SFSWAP: variants seen among roughly 807,000 people sequenced by gnomAD.
SFSWAP encodes the protein splicing factor SWAP, also known as splicing factor, suppressor of white-apricot homolog.
In SFSWAP, 17 loss-of-function variants were observed where a neutral mutation model predicts 100.7. That is an observed-to-expected ratio of 0.17 (90% CI 0.12 to 0.25). The LOEUF is 0.25. Among genes scored for constraint, SFSWAP ranks in the 10% least tolerant of loss-of-function variants. The pLI is 1.00. For missense variants in SFSWAP, 1,005 were observed against 1,262.6 expected (o/e 0.80, Z 3.09); for synonymous variants, 504 against 510.1 (o/e 0.99, Z 0.16).
intron 7 of SFSWAP, among the ~76,000 whole-genome samples, chr12:131,746,632 A>G (rs185019731): frequency 1.3e-5 from 2 of 152,324 alleles, no homozygotes. Flanking sequence ...TAGTTTCCCA[A>G]GAAAGGGTAC....
intron 6 of SFSWAP, among the ~76,000 whole-genome samples, chr12:131,727,286 A>C (rs1879070772): frequency 6.6e-6 from 1 of 152,220 alleles, no homozygotes; most frequent in South Asian, 2.1e-4. Context: ...TAATTTTACC[A>C]TTTTATTACA....
At chr12:131,761,049 G>T (rs993261034) in intron 11 of SFSWAP, among the ~76,000 whole-genome samples, 5 of 152,182 alleles carry the variant, frequency 3.3e-5, no homozygotes, top group Non-Finnish European at 7.3e-5. Context: ...TCCAGCCTGG[G>T]CGAAAGAGCG....
In SFSWAP at chr12:131,711,737, G is replaced by T. The variant is rs1474089224; in HGVS notation, c.218+290G>T. 1 of 400,940 alleles carries T rather than the reference G, an allele frequency of 2.5e-6. No individual in the cohort carries two copies. Among genetic ancestry groups the T allele is most frequent in the Admixed American group, 4.1e-5 (1 of 24,140 alleles). 24.8% of individuals were successfully genotyped at this position (400,940 alleles called of 1,614,324 possible). The stretch of plus-strand genomic sequence containing the variant: ...ACCCTGTCGCTGGGCTGCAGTTGGC[G>T]ATTCCGCGCGGTGAAAGCAGCCAGT... On this transcript the variant is annotated intron_variant, in intron 1 of 17. Coordinates refer to ENST00000261674, the MANE Select transcript of SFSWAP (RefSeq NM_004592.4). The surrounding 1 kb of genome is among the most constrained non-coding windows in gnomAD (Gnocchi z 4.9).
chr12:131,738,885 C>CTTTTTTATTTTTTTTTTTTTTTTT (rs1880305978), intron 7 of SFSWAP, among the ~76,000 whole-genome samples: 1 of 48,718 alleles, frequency 2.1e-5, no homozygotes, highest in Non-Finnish European at 4.1e-5. Context: ...GAACATTATT[C>CTTTTTTATTTTTTTTTTTTTTTTT]TTTTTTTTTT....
In SFSWAP at chr12:131,711,640, C is replaced by G. The variant is rs1789801937; in HGVS notation, c.218+193C>G. The G allele has an allele frequency of 1.7e-6, 1 of 587,630 alleles. No homozygotes were observed. Among genetic ancestry groups the G allele is most frequent in the Non-Finnish European group, 3.0e-6 (1 of 330,686 alleles). 36.4% of individuals were successfully genotyped at this position (587,630 alleles called of 1,614,324 possible). A position where few individuals can be genotyped will look rare whatever the true frequency, so the allele number is the denominator to read the frequency against. On this transcript the variant is annotated intron_variant, in intron 1 of 17. Transcript: ENST00000261674. The surrounding 1 kb of genome is among the most constrained non-coding windows in gnomAD (Gnocchi z 4.9). Reference sequence around the variant, plus strand: ...GGACGGTGAAACCTGCCCTAAGGCACTGGCTGGAATTGCGTGCCGCGTCCG... The same window carrying G: ...GGACGGTGAAACCTGCCCTAAGGCAGTGGCTGGAATTGCGTGCCGCGTCCG...
In SFSWAP at chr12:131,752,479, G is replaced by A. The variant is rs902490005; in HGVS notation, c.1082-644G>A. 3.9e-5 allele frequency among the ~76,000 whole-genome samples: 6 copies of A among 152,280 alleles called. No homozygotes were observed. The East Asian group carries it at 5.8e-4, about 15-fold the overall frequency. On this transcript the variant is annotated intron_variant, in intron 7 of 17. Transcript: ENST00000261674. ...GTGTGCACAGCATAGGTGGCAAGAC[G>A]GCATACATCACTGTCTGTGATGGAA...
chr12:131,761,837 A>G (rs1882703462), intron 11 of SFSWAP, among the ~76,000 whole-genome samples: 1 of 152,154 alleles, frequency 6.6e-6, no homozygotes. Context: ...CCATCTGTAA[A>G]ATGGGAAGCC....
At chr12:131,762,648 G>T (rs1882772966) in intron 11 of SFSWAP, among the ~76,000 whole-genome samples, 3 of 152,204 alleles carry the variant, frequency 2.0e-5, no homozygotes, top group Admixed American at 2.0e-4. Flanking sequence ...CTGGAGTAGT[G>T]CAGTGGCGTG....
At chr12:131,796,269 C>G (rs1375213943) in intron 15 of SFSWAP, 2 of 152,226 alleles carry the variant, frequency 1.3e-5, no homozygotes, top group Non-Finnish European at 2.9e-5. Context: ...TACATGTTCA[C>G]TCTCTTAGGT....
At chr12:131,767,350 A>T (rs1411424638) in intron 13 of SFSWAP, among the ~76,000 whole-genome samples, 1 of 152,276 alleles carries the variant, frequency 6.6e-6, no homozygotes, top group Non-Finnish European at 1.5e-5. Flanking sequence ...TCTTTATAGT[A>T]GTTATGTCTC....
At chr12:131,738,882 A>ATTTTTTTTTTTTTTTTTTTTTTTT (rs1555243205) in intron 7 of SFSWAP, among the ~76,000 whole-genome samples, 2 of 40,170 alleles carry the variant, frequency 5.0e-5, no homozygotes, top group Non-Finnish European at 1.5e-4. Context: ...AATGAACATT[A>ATTTTTTTTTTTTTTTTTTTTTTTT]TTCTTTTTTT....
Position 131,734,702 on chromosome 12 carries a change from A to G in SFSWAP, c.1081+6274A>G, listed in dbSNP as rs1400265560. 6.6e-6 allele frequency among the ~76,000 whole-genome samples: 1 copy of G among 152,236 alleles called. No individual in the cohort carries two copies. Among genetic ancestry groups the G allele is most frequent in the African/African-American group, 2.4e-5 (1 of 41,468 alleles). ...GAGTAACTTCAGAAAAGTGAAGAGC[A>G]GAAGTTCCAAAAGCACCTGGTGCTT... On this transcript the variant is annotated intron_variant, in intron 7 of 17. Transcript: ENST00000261674. This position sits in a 1 kb window ranked among gnomAD's most constrained non-coding sequence, Gnocchi z 4.9.
In SFSWAP at chr12:131,783,792, T is replaced by TTTTA. The variant is rs1312028614; in HGVS notation, c.2409-2670_2409-2669insTTAT. Reference sequence around the variant, plus strand: ...AGACTCCGTCTCAAAAAAAAACATTTTATATATATATATATATATATATAT... The same window carrying TTTTA: ...AGACTCCGTCTCAAAAAAAAACATTTTTTATATATATATATATATATATATATAT... On this transcript the variant is annotated intron_variant, in intron 14 of 17. Transcript: ENST00000261674. 11 of 86,684 alleles carry TTTTA rather than the reference T, an allele frequency of 1.3e-4. 2 individuals carry two copies. The highest frequency in any genetic ancestry group is 1.1e-3 in the East Asian group (2 of 1,772). The allele number at this position is 86,684 out of a possible 1,614,324, so 5.4% of individuals were successfully genotyped here. A position where few individuals can be genotyped will look rare whatever the true frequency, so the allele number is the denominator to read the frequency against.
At chr12:131,749,987 C>T (rs2136219542) in intron 7 of SFSWAP, among the ~76,000 whole-genome samples, 1 of 152,288 alleles carries the variant, frequency 6.6e-6, no homozygotes, top group Non-Finnish European at 1.5e-5. Context: ...AGGCAGAGAC[C>T]CTGTGAGGCC....
intron 7 of SFSWAP, among the ~76,000 whole-genome samples, chr12:131,747,622 C>T (rs1881256643): frequency 6.6e-6 from 1 of 152,100 alleles, no homozygotes; most frequent in East Asian, 1.9e-4. Context: ...ACATGGAGGG[C>T]AGGAGGTGCT....
At position 131,715,334 on chromosome 12, in the gene SFSWAP, C is replaced by T. The variant is rs78225595; in HGVS notation, c.520+381C>T. On this transcript the variant is annotated intron_variant, in intron 3 of 17. Transcript: ENST00000261674. ...CCGCCCTCTCACTGACCTGCTTCCC[C>T]ATATCCCTCCACAACTGAGACAGTG... Among the ~76,000 whole-genome samples the T allele has an allele frequency of 9.3e-3, 1,419 of 152,242 alleles. 7 individuals are homozygous for T. The highest frequency in any genetic ancestry group is 0.026 in the South Asian group (126 of 4,822).
chr12:131,715,807 C>T (rs1198054998), intron 3 of SFSWAP, among the ~76,000 whole-genome samples: 1 of 152,190 alleles, frequency 6.6e-6, no homozygotes, highest in African/African-American at 2.4e-5. Flanking sequence ...TTATTCTGAA[C>T]TTCATCGGTT....
At chr12:131,753,504 C>T in intron 8 of SFSWAP, 141 bp downstream of exon 8, 1 of 1,123,338 alleles carries the variant, frequency 8.9e-7, no homozygotes, top group South Asian at 2.0e-5. Flanking sequence ...TATTCCAAAT[C>T]CCCAAGTTAC....
Position 131,797,423 on chromosome 12 carries a change from C to T in SFSWAP, c.2717+63C>T, listed in dbSNP as rs373398717. 90 of 1,425,174 alleles carry T rather than the reference C, an allele frequency of 6.3e-5. No homozygotes were observed. In the African/African-American group the frequency reaches 9.1e-4, roughly 14 times the overall value. 88.3% of individuals were successfully genotyped at this position (1,425,174 alleles called of 1,614,324 possible). On this transcript the variant is annotated intron_variant, in intron 16 of 17. Transcript: ENST00000261674. ...GCAAGGGGCGGCCAGCAGGACTCTC[C>T]CTCCTCCCTGAGTCCTTGCCTATGT...
Sources: allele counts gnomAD v4.1 joint callset (sites outside exome capture counted in the v4.1 genomes callset), GRCh38; gene constraint gnomAD v4.1.1; non-coding constraint Gnocchi (gnomAD v3.1); transcripts MANE v1.5; gene names NCBI Gene and HGNC (gene_info 2026-07-23, HGNC 2026-07-21).